The following ADAMTS2 variants were observed in gnomAD, a reference collection of about 807,000 sequenced individuals.
ADAMTS2 encodes A disintegrin and metalloproteinase with thrombospondin motifs 2.
Under a neutral mutation model 123.0 loss-of-function variants are expected in ADAMTS2, and 50 were observed. The ratio of observed to expected loss-of-function variants is 0.41; its 90% confidence interval spans 0.32 to 0.51. The LOEUF is 0.51. Ranked by LOEUF, ADAMTS2 falls within the 20% of genes least tolerant of loss-of-function variation. ADAMTS2 has a pLI of 0.35. For missense variants in ADAMTS2, 1,494 were observed against 1,705.2 expected, an observed-to-expected ratio of 0.88 and a Z score of 2.18; for synonymous variants, 678 against 695.4, an observed-to-expected ratio of 0.98 and a Z score of 0.39.
chr5:179,277,789 C>CG (rs1260260889), intron 2 of ADAMTS2, among the ~76,000 whole-genome samples: 7 of 20,990 alleles, frequency 3.3e-4, no homozygotes, highest in South Asian at 3.6e-3. Flanking sequence ...AAAGGCTGAC[C>CG]CCCCCGCGAG....
chr5:179,195,584 G>A (rs1173335754), intron 4 of ADAMTS2, among the ~76,000 whole-genome samples: 1 of 152,204 alleles, frequency 6.6e-6, no homozygotes. Context: ...GTGGAACCAC[G>A]AGGAGCTCTG....
chr5:179,244,171 C>T (rs1385878837), intron 3 of ADAMTS2, among the ~76,000 whole-genome samples: 1 of 152,092 alleles, frequency 6.6e-6, no homozygotes, highest in Non-Finnish European at 1.5e-5. Context: ...CCGAGAAACT[C>T]AGCAAACTTC....
At chr5:179,335,146 G>A (rs931899964) in intron 2 of ADAMTS2, among the ~76,000 whole-genome samples, 3 of 152,032 alleles carry the variant, frequency 2.0e-5, no homozygotes, top group Non-Finnish European at 4.4e-5. Context: ...GACGTATCCA[G>A]CCAGATGTTC....
At chr5:179,342,327 C>A (rs142128070) in intron 2 of ADAMTS2, among the ~76,000 whole-genome samples, 15 of 151,670 alleles carry the variant, frequency 9.9e-5, no homozygotes, top group African/African-American at 3.6e-4. Context: ...TAACCTCCAG[C>A]GTAAAATGGG....
chr5:179,226,552 C>A (rs533343407), intron 3 of ADAMTS2, among the ~76,000 whole-genome samples: 1 of 151,906 alleles, frequency 6.6e-6, no homozygotes, highest in Non-Finnish European at 1.5e-5. Flanking sequence ...GTTGGTATTA[C>A]GGGTATGAGC....
At chr5:179,165,766 C>T (rs768061295) in intron 5 of ADAMTS2, among the ~76,000 whole-genome samples, 42 of 152,304 alleles carry the variant, frequency 2.8e-4, no homozygotes, top group Non-Finnish European at 5.0e-4. Flanking sequence ...AGACTCTTCA[C>T]AGCGGCAGCA....
At chr5:179,281,847 G>A (rs1395552405) in intron 2 of ADAMTS2, among the ~76,000 whole-genome samples, 2 of 152,184 alleles carry the variant, frequency 1.3e-5, no homozygotes, top group Non-Finnish European at 2.9e-5. Flanking sequence ...TAGCTATCCA[G>A]CAGGTGTGAA....
In ADAMTS2 at chr5:179,196,573, G is replaced by A. The variant is rs192654111; in HGVS notation, c.891+10940C>T. ...CGAAGTAGCCTCACCGGTCCTTTGA[G>A]CTGATAAGGCTAGTGTGGGGGTGGG... On this transcript the variant is annotated intron_variant, in intron 4 of 21. Transcript: ENST00000251582. 3.1e-3 allele frequency among the ~76,000 whole-genome samples: 478 copies of A among 152,354 alleles called. 16 individuals carry two copies. The highest frequency in any genetic ancestry group is 0.029 in the Admixed American group (451 of 15,310).
At chr5:179,137,694 A>T in intron 12 of ADAMTS2, 75 bp downstream of exon 12, 1 of 1,515,150 alleles carries the variant, frequency 6.6e-7, no homozygotes, top group Non-Finnish European at 8.9e-7. Context: ...GCAGGATCAG[A>T]GGCACAAGCC....
rs773640133 is a variant in ADAMTS2 at position 179,158,918 on chromosome 5, C to T, written c.976-39G>A. On this transcript the variant is annotated intron_variant, in intron 5 of 21. Transcript: ENST00000251582. This position sits in a 1 kb window ranked among gnomAD's most constrained non-coding sequence, Gnocchi z 5.0. Reference sequence around the variant, plus strand: ...GAGAGAAATGGAAGAGAGAGGTTGGCGCCTGGTGGCCCAGTGGGGGGCCGA... The same window carrying T: ...GAGAGAAATGGAAGAGAGAGGTTGGTGCCTGGTGGCCCAGTGGGGGGCCGA... 1.1e-5 allele frequency: 18 copies of T among 1,609,060 alleles called. No individual in the cohort carries two copies. The highest frequency in any genetic ancestry group is 3.3e-5 in the South Asian group (3 of 90,586).
chr5:179,276,591 C>T (rs1235567337), intron 2 of ADAMTS2, among the ~76,000 whole-genome samples: 1 of 152,166 alleles, frequency 6.6e-6, no homozygotes, highest in Non-Finnish European at 1.5e-5. Context: ...GCCACGCCTC[C>T]ACCCAAGTGA....
chr5:179,276,862 C>T (rs1448033908), intron 2 of ADAMTS2, among the ~76,000 whole-genome samples: 1 of 152,194 alleles, frequency 6.6e-6, no homozygotes. Context: ...AGGCCTGAGG[C>T]CCTGGGGTTA....
At chr5:179,258,053 G>A (rs1026662617) in intron 3 of ADAMTS2, among the ~76,000 whole-genome samples, 3 of 152,202 alleles carry the variant, frequency 2.0e-5, no homozygotes, top group South Asian at 2.1e-4. Context: ...TGTCCTCAGC[G>A]AACGCCTGAC....
intron 3 of ADAMTS2, among the ~76,000 whole-genome samples, chr5:179,220,187 A>G (rs1363537391): frequency 2.0e-5 from 3 of 152,194 alleles, no homozygotes; most frequent in Non-Finnish European, 4.4e-5. Context: ...TATTGAAAAT[A>G]TTCACTGTGA....
rs1762689273 is a variant in ADAMTS2 at position 179,117,817 on chromosome 5, T to C, written c.3179-3493A>G. On this transcript the variant is annotated intron_variant, in intron 21 of 21. Coordinates refer to ENST00000251582, the MANE Select transcript of ADAMTS2 (RefSeq NM_014244.5). This position sits in a 1 kb window ranked among gnomAD's most constrained non-coding sequence, Gnocchi z 4.2. ...TCCCAAAGTGCTGGGATTACAGGTGTAAGCCACTGTGCCCGGCCCATGCAT... is the reference window on the plus strand; with the variant it reads ...TCCCAAAGTGCTGGGATTACAGGTGCAAGCCACTGTGCCCGGCCCATGCAT... Among the ~76,000 whole-genome samples the C allele has an allele frequency of 6.6e-6, 1 of 152,120 alleles. No individual in the cohort carries two copies. The highest frequency in any genetic ancestry group is 1.9e-4 in the East Asian group (1 of 5,184).
rs1765776451 is a variant in ADAMTS2, at chr5:179,245,771, A to AC, written c.688+27139_688+27140insG. Among the ~76,000 whole-genome samples, 6 of 112,612 alleles carry AC rather than the reference A, an allele frequency of 5.3e-5. 1 individual carries two copies. Among genetic ancestry groups the AC allele is most frequent in the African/African-American group, 1.9e-4 (6 of 32,314 alleles). 73.9% of individuals were successfully genotyped at this position (112,612 alleles called of 152,430 possible). A position where few individuals can be genotyped will look rare whatever the true frequency, so the allele number is the denominator to read the frequency against. ...ACAGAGCGAGACTCCGTCTCAAAAA[A>AC]AAAAAAAAAAAAAAAAAAAAAAAAC... On this transcript the variant is annotated intron_variant, in intron 3 of 21. Transcript: ENST00000251582.
intron 4 of ADAMTS2, among the ~76,000 whole-genome samples, chr5:179,190,469 G>C (rs1373631765): frequency 1.1e-5 from 1 of 89,622 alleles, no homozygotes; most frequent in Non-Finnish European, 2.3e-5. Flanking sequence ...AGAAAAACAG[G>C]TATTAAAGGA....
intron 5 of ADAMTS2, among the ~76,000 whole-genome samples, chr5:179,159,570 C>G (rs1264994431): frequency 6.6e-6 from 1 of 152,122 alleles, no homozygotes; most frequent in African/African-American, 2.4e-5. Flanking sequence ...CATGGGAAGC[C>G]CCCGGGAACC....
intron 2 of ADAMTS2, among the ~76,000 whole-genome samples, chr5:179,323,366 G>A (rs1043035035): frequency 3.9e-5 from 6 of 152,266 alleles, no homozygotes; most frequent in African/African-American, 1.4e-4. Context: ...TAAGGACAGA[G>A]AGAATACTTT....
Sources: allele counts gnomAD v4.1 joint callset (sites outside exome capture counted in the v4.1 genomes callset), GRCh38; gene constraint gnomAD v4.1.1; non-coding constraint Gnocchi (gnomAD v3.1); transcripts MANE v1.5; gene names NCBI Gene and HGNC (gene_info 2026-07-23, HGNC 2026-07-21).